The following SMOC1 variants were observed in gnomAD, a reference collection of about 807,000 sequenced individuals.
SMOC1 encodes SPARC-related modular calcium-binding protein 1.
In SMOC1, 22 loss-of-function variants were observed where a neutral mutation model predicts 56.3. The observed-to-expected ratio is 0.39, with a 90% confidence interval of 0.28 to 0.56. The LOEUF is 0.56. SMOC1 is among the 20% of genes least tolerant of loss of function. The pLI is 0.61. For missense variants in SMOC1, 509 were observed against 565.4 expected (o/e 0.90, Z 1.01); for synonymous variants, 193 against 215.0 (o/e 0.90, Z 0.89).
At chr14:70,023,545 C>T in intron 11 of SMOC1, 98 bp downstream of exon 11, 1 of 1,523,078 alleles carries the variant, frequency 6.6e-7, no homozygotes, top group Admixed American at 1.7e-5. Flanking sequence ...AGATACTCAT[C>T]TATTCATCAA....
At chr14:69,903,428 G>A (rs1234104777) in intron 1 of SMOC1, among the ~76,000 whole-genome samples, 1 of 152,264 alleles carries the variant, frequency 6.6e-6, no homozygotes, top group African/African-American at 2.4e-5. Context: ...TTGAGAACGG[G>A]CCATGATGAC....
chr14:69,928,224 T>C (rs900787391), intron 1 of SMOC1, among the ~76,000 whole-genome samples: 1 of 152,094 alleles, frequency 6.6e-6, no homozygotes, highest in African/African-American at 2.4e-5. Context: ...AAGCAGGAGG[T>C]TGGGCTTACC....
chr14:69,921,881 G>A (rs763363472), intron 1 of SMOC1, among the ~76,000 whole-genome samples: 4 of 152,196 alleles, frequency 2.6e-5, no homozygotes, highest in Admixed American at 6.5e-5. Context: ...AAAGGTACCC[G>A]AGGGAAGGGG....
intron 7 of SMOC1, among the ~76,000 whole-genome samples, chr14:69,997,573 AG>A (rs1444365472): frequency 6.6e-6 from 1 of 152,192 alleles, no homozygotes; most frequent in African/African-American, 2.4e-5. Context: ...TTTCTTTGTG[AG>A]GACTCAAGAG....
intron 10 of SMOC1, among the ~76,000 whole-genome samples, chr14:70,015,877 C>T (rs1227274067): frequency 1.3e-5 from 2 of 151,928 alleles, no homozygotes; most frequent in African/African-American, 4.8e-5. Flanking sequence ...CAAAAACAGG[C>T]ATGAAAGATT....
chr14:69,934,731 A>C (rs887120953), intron 1 of SMOC1, among the ~76,000 whole-genome samples: 1 of 152,206 alleles, frequency 6.6e-6, no homozygotes, highest in African/African-American at 2.4e-5. Context: ...CTGAGCCTTT[A>C]CGTAGTCCAA....
In SMOC1 at chr14:69,914,130, G is replaced by A. The variant is rs1284824748; in HGVS notation, c.99+34353G>A. Among the ~76,000 whole-genome samples the A allele has an allele frequency of 3.9e-5, 6 of 152,204 alleles. No individual in the cohort carries two copies. The East Asian group carries it at 1.2e-3, about 29-fold the overall frequency. ...AAGACCCCTTGAATCAGTAAGTCTA[G>A]GCGTGGGGCCCAGCAGGCTGTCATT... On this transcript the variant is annotated intron_variant, in intron 1 of 11. Coordinates refer to ENST00000361956, the MANE Select transcript of SMOC1 (RefSeq NM_001034852.3).
intron 1 of SMOC1, among the ~76,000 whole-genome samples, chr14:69,951,160 C>G (rs759801288): frequency 2.6e-5 from 4 of 152,174 alleles, no homozygotes; most frequent in Non-Finnish European, 4.4e-5. Flanking sequence ...TGTTAGGCTT[C>G]TTACACAGCA....
intron 5 of SMOC1, among the ~76,000 whole-genome samples, chr14:69,979,594 G>A (rs1884099723): frequency 6.6e-6 from 1 of 151,236 alleles, no homozygotes; most frequent in Non-Finnish European, 1.5e-5. Flanking sequence ...TCTATTGCGT[G>A]TGTGTGTGTG....
intron 10 of SMOC1, among the ~76,000 whole-genome samples, chr14:70,018,583 C>G (rs1885601856): frequency 1.3e-5 from 2 of 152,192 alleles, no homozygotes; most frequent in Admixed American, 1.3e-4. Context: ...AGTGTTCCCC[C>G]TTAGAACAGC....
chr14:69,988,944 G>A (rs1884467563), intron 5 of SMOC1, among the ~76,000 whole-genome samples: 1 of 152,192 alleles, frequency 6.6e-6, no homozygotes, highest in Non-Finnish European at 1.5e-5. Context: ...TTATTCACCA[G>A]TGGACAGACA....
At chr14:69,947,087 G>GCCTGCCTTCCTT (rs1555360725) in intron 1 of SMOC1, among the ~76,000 whole-genome samples, 8 of 143,360 alleles carry the variant, frequency 5.6e-5, no homozygotes, top group African/African-American at 1.8e-4. Context: ...TCTCAGGCCG[G>GCCTGCCTTCCTT]CCTTCCTTCC....
Position 70,023,217 on chromosome 14 carries a change from A to T in SMOC1, c.1061A>T (p.Asp354Val). Residue 354 changes from aspartate (D) to valine (V), a missense_variant, in exon 11 of 12, where the codon GAC becomes GTC. Transcript: ENST00000361956. Reference sequence around the variant, plus strand: ...CCATGGCCCAGGTTCTCAGAGCCAGACCCCAGCCACACCCTGGAGGAGCGG... The same window carrying T: ...CCATGGCCCAGGTTCTCAGAGCCAGTCCCCAGCCACACCCTGGAGGAGCGG... ...PTGGGRFSEP[D>V]PSHTLEERVV... 6.2e-7 allele frequency: 1 copy of T among 1,613,890 alleles called. No homozygotes were observed. The highest frequency in any genetic ancestry group is 8.5e-7 in the Non-Finnish European group (1 of 1,179,982).
chr14:69,906,352 T>A (rs1288633897), intron 1 of SMOC1, among the ~76,000 whole-genome samples: 2 of 152,204 alleles, frequency 1.3e-5, no homozygotes, highest in African/African-American at 4.8e-5. Context: ...GAGGCTGCCA[T>A]GATTTGAAGG....
chr14:69,961,203 A>C (rs576947588), intron 3 of SMOC1, among the ~76,000 whole-genome samples: 23 of 145,430 alleles, frequency 1.6e-4, no homozygotes, highest in African/African-American at 5.4e-4. Flanking sequence ...TAATGTTTTC[A>C]AGGCTCAGCC....
At chr14:69,937,914 G>A (rs1231111997) in intron 1 of SMOC1, among the ~76,000 whole-genome samples, 1 of 152,170 alleles carries the variant, frequency 6.6e-6, no homozygotes, top group East Asian at 1.9e-4. Context: ...AACAGAATTC[G>A]ATGATATAGC....
chr14:69,994,587 G>C (rs2139549837), intron 7 of SMOC1, 107 bp downstream of exon 7: 5 of 895,044 alleles, frequency 5.6e-6, no homozygotes, highest in Non-Finnish European at 9.3e-6. Context: ...TAATCTGTCT[G>C]GTTGTCAATT....
intron 6 of SMOC1, among the ~76,000 whole-genome samples, chr14:69,992,738 G>A (rs1884609992): frequency 6.6e-6 from 1 of 152,156 alleles, no homozygotes; most frequent in African/African-American, 2.4e-5. Context: ...ACACAGCCTG[G>A]ACAGACCCTT....
intron 5 of SMOC1, among the ~76,000 whole-genome samples, chr14:69,981,471 T>C (rs1275551968): frequency 6.6e-6 from 1 of 152,182 alleles, no homozygotes; most frequent in African/African-American, 2.4e-5. Flanking sequence ...CCATCCTGGC[T>C]GCCCCCTCCC....
Sources: gnomAD v4.1 joint callset for allele counts (sites outside exome capture counted in the v4.1 genomes callset) on GRCh38, gnomAD v4.1.1 for gene constraint, MANE v1.5 for transcripts, NCBI Gene and HGNC (gene_info 2026-07-23, HGNC 2026-07-21) for gene names.